Variants in COL4A5 observed in about 807,000 individuals in gnomAD.
COL4A5 encodes the protein collagen type IV alpha 5 chain, also known as collagen alpha-5(IV) chain.
A neutral mutation model predicts 130.2 loss-of-function variants in COL4A5; 26 were observed. That is an observed-to-expected ratio of 0.20 (90% CI 0.15 to 0.28). The LOEUF (loss-of-function observed/expected upper bound fraction) is 0.28, where lower values mean the gene tolerates loss of function less well. Among genes scored for constraint, COL4A5 ranks in the 10% least tolerant of loss-of-function variants. The pLI is 1.00. For missense variants in COL4A5, 1,131 were observed against 1,344.3 expected (o/e 0.84, Z 2.48); for synonymous variants, 496 against 439.6 (o/e 1.13, Z -1.60).
At chrX:108,565,981 CTTCT>C (rs1297967771) in intron 4 of COL4A5, among the ~76,000 whole-genome samples, 1 of 97,962 alleles carries the variant, frequency 1.0e-5, no homozygotes, top group African/African-American at 4.1e-5. Flanking sequence ...TCAGGCTATT[CTTCT>C]TTTTTTTTTT....
chrX:108,689,950 G>A, intron 49 of COL4A5: 3 of 754,024 alleles, frequency 4.0e-6, no homozygotes, highest in Non-Finnish European at 4.7e-6. Context: ...GGCAGCCACA[G>A]GTGCAACCAG....
intron 16 of COL4A5, among the ~76,000 whole-genome samples, chrX:108,581,883 T>A (rs959922689): frequency 9.1e-6 from 1 of 110,318 alleles, no homozygotes; most frequent in African/African-American, 3.3e-5. Context: ...TTTTTTTGTG[T>A]GTGTGTGAAC....
intron 49 of COL4A5, chrX:108,689,460 A>G: frequency 2.7e-5 from 20 of 752,449 alleles, no homozygotes; most frequent in Non-Finnish European, 3.1e-5. Context: ...ATAACTTTTC[A>G]GAATCCATGT....
chrX:108,686,097 G>T lies in COL4A5; in HGVS notation c.4283G>T (p.Arg1428Leu). 3 of 1,210,457 alleles carry T rather than the reference G, an allele frequency of 2.5e-6. No individual in the cohort carries two copies. The highest frequency in any genetic ancestry group is 3.0e-5 in the East Asian group (1 of 33,780). Reference protein sequence around the residue: ...GLPGFDGAGGRKGDPGLPGQP... With the variant: ...GLPGFDGAGGLKGDPGLPGQP... The stretch of plus-strand genomic sequence containing the variant: ...CCTGGCTTTGATGGTGCAGGAGGGC[G>T]CAAAGGAGACCCAGGTCTGCCAGGA... The change falls in exon 48 of 53, where the codon CGC (arginine) becomes CTC (leucine). Residue 1428 changes from arginine to leucine, a missense_variant. Coordinates refer to ENST00000328300, the MANE Select transcript of COL4A5 (RefSeq NM_033380.3).
intron 43 of COL4A5, 36 bp from the exon 44 acceptor site, chrX:108,677,464 A>G (rs747555366): frequency 1.2e-5 from 14 of 1,193,117 alleles, no homozygotes; most frequent in Non-Finnish European, 1.6e-5. Context: ...TCTTAACACT[A>G]TACTGAAATG....
intron 17 of COL4A5, among the ~76,000 whole-genome samples, chrX:108,583,763 T>C (rs1425455948): frequency 9.0e-6 from 1 of 111,507 alleles, no homozygotes; most frequent in African/African-American, 3.3e-5. Context: ...ATGGCTTCTA[T>C]GAACAAGTTT....
At position 108,527,254 on chromosome X, in the gene COL4A5, A is replaced by T. The variant is rs1324975597; in HGVS notation, c.82-12492A>T. On this transcript the variant is annotated intron_variant, in intron 1 of 52. Coordinates refer to ENST00000328300, the MANE Select transcript of COL4A5 (RefSeq NM_033380.3). ...CTGCCTCTCTTTCGTCTTCTTTTGGATGTATTAAGTATTGTGCCCCTCAAT... is the reference window on the plus strand; with the variant it reads ...CTGCCTCTCTTTCGTCTTCTTTTGGTTGTATTAAGTATTGTGCCCCTCAAT... Among the ~76,000 whole-genome samples, 4 of 110,890 alleles carry T rather than the reference A, an allele frequency of 3.6e-5. No individual in the cohort carries two copies. The Admixed American group carries it at 3.8e-4, about 11-fold the overall frequency.
chrX:108,679,811 A>G (rs756955171), intron 44 of COL4A5, among the ~76,000 whole-genome samples: 10 of 111,906 alleles, frequency 8.9e-5, no homozygotes, highest in Non-Finnish European at 1.9e-4. Context: ...TAGAAAAGAA[A>G]GAAAAAACAA....
chrX:108,637,918 A>G (rs1192063087), intron 36 of COL4A5, among the ~76,000 whole-genome samples: 1 of 108,203 alleles, frequency 9.2e-6, no homozygotes, highest in Non-Finnish European at 1.9e-5. Flanking sequence ...GCAGTGGTGC[A>G]GTTACGGCTC....
intron 25 of COL4A5, among the ~76,000 whole-genome samples, chrX:108,599,654 A>G (rs992217538): frequency 2.7e-5 from 3 of 111,974 alleles, no homozygotes; most frequent in African/African-American, 6.5e-5. Context: ...GAGTTGGCAC[A>G]CTACAGAACT....
At chrX:108,618,714 G>GT (rs749952836) in intron 30 of COL4A5, among the ~76,000 whole-genome samples, 8 of 108,302 alleles carry the variant, frequency 7.4e-5, no homozygotes, top group Admixed American at 2.0e-4. Flanking sequence ...TAAATGCTTA[G>GT]TTTTTTTTTC....
At chrX:108,695,489 C>G in intron 52 of COL4A5, 50 bp downstream of exon 52, 2 of 1,131,458 alleles carry the variant, frequency 1.8e-6, no homozygotes, top group Middle Eastern at 2.4e-4. Context: ...TTCAGAGATG[C>G]TAGGGAAGAA....
chrX:108,507,264 A>G (rs1489481200), intron 1 of COL4A5, among the ~76,000 whole-genome samples: 22 of 93,355 alleles, frequency 2.4e-4, no homozygotes, highest in African/African-American at 1.1e-3. Context: ...AAAAAAAAGA[A>G]AAAAAAAAAA....
At chrX:108,440,847 TTTG>T (rs1320371294) in intron 1 of COL4A5, among the ~76,000 whole-genome samples, 8 of 111,827 alleles carry the variant, frequency 7.2e-5, no homozygotes, top group East Asian at 2.8e-4. Flanking sequence ...TTTGCGTCTT[TTTG>T]TTGTTGTTGT....
intron 18 of COL4A5, 94 bp downstream of exon 18, chrX:108,584,619 G>A: frequency 1.3e-6 from 1 of 747,705 alleles, no homozygotes; most frequent in East Asian, 3.3e-5. Context: ...TTTCTTGATA[G>A]AACACAAAAT....
rs367986612 is a variant in COL4A5 at position 108,576,384 on chromosome X, G to T, written c.609+412G>T. Among the ~76,000 whole-genome samples the T allele has an allele frequency of 5.8e-4, 65 of 111,525 alleles. 1 individual carries two copies. Among genetic ancestry groups the T allele is most frequent in the African/African-American group, 2.0e-3 (62 of 30,726 alleles). The stretch of plus-strand genomic sequence containing the variant: ...AAATATTGGCTCTCATTTCCTAGGC[G>T]CCTGGGACAAAACAGTAGAATTGGT... On this transcript the variant is annotated intron_variant, in intron 10 of 52. Coordinates refer to ENST00000328300, the MANE Select transcript of COL4A5 (RefSeq NM_033380.3).
chrX:108,495,614 G>A (rs958526559), intron 1 of COL4A5, among the ~76,000 whole-genome samples: 7 of 111,862 alleles, frequency 6.3e-5, no homozygotes, highest in Admixed American at 3.8e-4. Flanking sequence ...AAGAAATTTG[G>A]AGAAGAGATG....
intron 37 of COL4A5, among the ~76,000 whole-genome samples, chrX:108,657,365 C>G (rs1719642749): frequency 9.0e-6 from 1 of 111,392 alleles, no homozygotes; most frequent in African/African-American, 3.3e-5. Flanking sequence ...GGTTTATTTT[C>G]TATTGCTGCT....
At chrX:108,614,447 G>C (rs957336030) in intron 29 of COL4A5, among the ~76,000 whole-genome samples, 1 of 111,796 alleles carries the variant, frequency 8.9e-6, no homozygotes, top group South Asian at 3.7e-4. Flanking sequence ...CAGAGGGACA[G>C]ACAGAAGATG....
Sources: gnomAD v4.1 joint callset for allele counts (sites outside exome capture counted in the v4.1 genomes callset) on GRCh38, gnomAD v4.1.1 for gene constraint, MANE v1.5 for transcripts, NCBI Gene and HGNC (gene_info 2026-07-23, HGNC 2026-07-21) for gene names.